The following ZNF521 variants were observed in gnomAD, a reference collection of about 807,000 sequenced individuals.
The protein encoded by ZNF521 is LYST-interacting protein 3.
ZNF521 carries 14 observed loss-of-function variants against 105.5 expected under a neutral mutation model. The observed-to-expected ratio is 0.13, with a 90% CI of 0.09 to 0.21. ZNF521 has a LOEUF of 0.21. ZNF521 is among the 10% of genes least tolerant of loss of function. ZNF521 has a pLI of 1.00. For missense variants in ZNF521, 1,233 were observed against 1,629.7 expected (o/e 0.76, Z 4.19); for synonymous variants, 635 against 606.0 (o/e 1.05, Z -0.70).
At chr18:25,350,618 G>GTTTC (rs1914695787) in intron 2 of ZNF521, among the ~76,000 whole-genome samples, 1 of 150,986 alleles carries the variant, frequency 6.6e-6, no homozygotes, top group Admixed American at 6.6e-5. Context: ...GGATAATTTC[G>GTTTC]TTTCTTTCTC....
intron 4 of ZNF521, chr18:25,202,751 C>T (rs953276946): frequency 2.6e-5 from 4 of 152,158 alleles, no homozygotes; most frequent in African/African-American, 9.7e-5. Context: ...CAGCTTTCCA[C>T]AAATGCTCAA....
Position 25,350,115 on chromosome 18 carries a change from C to T in ZNF521, c.40+792G>A, listed in dbSNP as rs1914661949. On this transcript the variant is annotated intron_variant, in intron 2 of 7. Transcript: ENST00000361524. ...CCATCAGATCGATAACTTCAGGGAC[C>T]CCCGCCCCCGCCGCAGCCAGCTAGT... Among the ~76,000 whole-genome samples, 4 of 152,214 alleles carry T rather than the reference C, an allele frequency of 2.6e-5. No individual in the cohort carries two copies. The South Asian group carries it at 8.3e-4, about 32-fold the overall frequency.
Position 25,089,598 on chromosome 18 carries a change from T to C in ZNF521, c.3791-18A>G, listed in dbSNP as rs200509302. ...AACAAATACTGAAATGATAAAAGAA[T>C]GATGAACTTGGGTTATTTTGTTTCC... On this transcript the variant is annotated intron_variant, in intron 6 of 7. Coordinates refer to ENST00000361524, the MANE Select transcript of ZNF521 (RefSeq NM_015461.3). The C allele has an allele frequency of 6.3e-7, 1 of 1,598,606 alleles. No homozygotes were observed. Among genetic ancestry groups the C allele is most frequent in the Non-Finnish European group, 8.6e-7 (1 of 1,165,924 alleles).
chr18:25,082,663 C>G (rs1158517474), intron 7 of ZNF521: 1 of 414,854 alleles, frequency 2.4e-6, no homozygotes, highest in East Asian at 7.4e-5. Context: ...TGGTGAAACC[C>G]CATCTCTACT....
chr18:25,227,055 T>G lies in ZNF521; in HGVS notation c.863A>C (p.Glu288Ala), dbSNP rs1906200831. 6.2e-7 allele frequency: 1 copy of G among 1,613,988 alleles called. No homozygotes were observed. The highest frequency in any genetic ancestry group is 1.1e-5 in the South Asian group (1 of 91,082). ...GAGGGAGGTCTCCTCTACGAAGAGC[T>G]CGTGGCAGTAGACACACTGGAGGGC... ...RAALQCVYCHELFVEETSLMN... is the reference protein window; with the variant it reads ...RAALQCVYCHALFVEETSLMN... Residue 288 changes from glutamate to alanine, a missense_variant, in exon 4 of 8, where the codon GAG (glutamate) becomes GCG (alanine). Glu to Ala is a moderately radical substitution (Grantham distance 107, BLOSUM62 -1). Around this residue, in one of 6 missense-constraint regions of ZNF521, gnomAD observed 380 missense variants for 478.0 expected, o/e 0.80. Coordinates refer to ENST00000361524, the MANE Select transcript of ZNF521 (RefSeq NM_015461.3). This position sits in a 1 kb window ranked among gnomAD's most constrained non-coding sequence, Gnocchi z 5.7.
intron 3 of ZNF521, among the ~76,000 whole-genome samples, chr18:25,235,657 A>G (rs146494119): frequency 2.0e-3 from 305 of 152,364 alleles, no homozygotes; most frequent in African/African-American, 6.9e-3. Context: ...ACCAGGAATT[A>G]TAACAGTCCT....
intron 3 of ZNF521, among the ~76,000 whole-genome samples, chr18:25,300,565 AGAGT>A (rs1911582041): frequency 6.6e-6 from 1 of 151,186 alleles, no homozygotes; most frequent in African/African-American, 2.5e-5. Context: ...GAAAGATCAT[AGAGT>A]GTCATCAAAG....
intron 4 of ZNF521, among the ~76,000 whole-genome samples, chr18:25,216,802 C>G (rs1235676629): frequency 6.6e-6 from 1 of 152,130 alleles, no homozygotes; most frequent in East Asian, 1.9e-4. Flanking sequence ...ATGATCCTCC[C>G]ACCTCAGCCT....
chr18:25,183,365 A>G (rs1190471427), intron 5 of ZNF521, among the ~76,000 whole-genome samples: 2 of 152,204 alleles, frequency 1.3e-5, no homozygotes, highest in African/African-American at 4.8e-5. Context: ...TCAAGTTAGT[A>G]CTCTATGTAA....
intron 1 of ZNF521, 75 bp downstream of exon 1, chr18:25,351,930 G>A (rs1316705778): frequency 4.0e-6 from 1 of 247,012 alleles, no homozygotes; most frequent in Non-Finnish European, 8.4e-6. Context: ...GCGAGAGCAG[G>A]AGGAGGAGGA....
chr18:25,327,884 CA>C (rs756579633), intron 2 of ZNF521, among the ~76,000 whole-genome samples: 1 of 152,040 alleles, frequency 6.6e-6, no homozygotes, highest in African/African-American at 2.4e-5. Context: ...CACAAACAAA[CA>C]AAAAAAGCAA....
chr18:25,083,661 G>A (rs965251374), intron 7 of ZNF521, among the ~76,000 whole-genome samples: 6 of 152,086 alleles, frequency 3.9e-5, no homozygotes, highest in African/African-American at 1.4e-4. Flanking sequence ...CTAGTAGATT[G>A]TAAATATATG....
rs2033757757 is a variant in ZNF521 at position 25,092,010 on chromosome 18, G to C, written c.3730C>G (p.Leu1244Val). 1 of 1,613,940 alleles carries C rather than the reference G, an allele frequency of 6.2e-7. No individual in the cohort carries two copies. The highest frequency in any genetic ancestry group is 8.5e-7 in the Non-Finnish European group (1 of 1,179,940). ...ATCCCTTCGAAGCTGTGCTCTATCA[G>C]GTGGCACTGGAGTTTGGCAGGAGAG... ...FDSPAKLQCHLIEHSFEGMGG... is the reference protein window; with the variant it reads ...FDSPAKLQCHVIEHSFEGMGG... The change falls in exon 6 of 8, where the codon CTG becomes GTG. Residue 1244 changes from leucine to valine, a missense_variant. This residue lies in a region of ZNF521 where 76 missense variants were observed against 137.2 expected (regional missense o/e 0.55). Coordinates refer to ENST00000361524, the MANE Select transcript of ZNF521 (RefSeq NM_015461.3).
At chr18:25,215,054 A>G (rs529964158) in intron 4 of ZNF521, among the ~76,000 whole-genome samples, 1 of 152,274 alleles carries the variant, frequency 6.6e-6, no homozygotes, top group Non-Finnish European at 1.5e-5. Context: ...GGTAATGTGA[A>G]AAGGGAAGCT....
At chr18:25,275,085 A>C (rs533336509) in intron 3 of ZNF521, among the ~76,000 whole-genome samples, 1 of 152,322 alleles carries the variant, frequency 6.6e-6, no homozygotes, top group Admixed American at 6.5e-5. Context: ...ATTGCCAAAA[A>C]AACTTGCTAT....
At chr18:25,209,208 T>G (rs2036134579) in intron 4 of ZNF521, among the ~76,000 whole-genome samples, 2 of 152,052 alleles carry the variant, frequency 1.3e-5, no homozygotes, top group Non-Finnish European at 2.9e-5. Context: ...CTTGGCTCAC[T>G]GCAACCTCCA....
intron 3 of ZNF521, among the ~76,000 whole-genome samples, chr18:25,290,833 C>T (rs764757792): frequency 4.0e-5 from 6 of 151,860 alleles, no homozygotes; most frequent in African/African-American, 4.8e-5. Flanking sequence ...GGATTTCAGG[C>T]GTGAGCCACT....
chr18:25,198,432 C>T (rs1016951838), intron 4 of ZNF521, among the ~76,000 whole-genome samples: 28 of 151,610 alleles, frequency 1.8e-4, no homozygotes, highest in Admixed American at 7.2e-4. Context: ...TAACCCTATT[C>T]CCCTCCATTC....
intron 2 of ZNF521, among the ~76,000 whole-genome samples, chr18:25,325,384 A>G (rs1913159988): frequency 6.6e-6 from 1 of 152,136 alleles, no homozygotes; most frequent in Non-Finnish European, 1.5e-5. Context: ...AATCATAAAA[A>G]ATAATTGTAT....
Sources: allele counts gnomAD v4.1 joint callset (sites outside exome capture counted in the v4.1 genomes callset), GRCh38; gene constraint gnomAD v4.1.1; regional missense constraint gnomAD v4.1.1; non-coding constraint Gnocchi (gnomAD v3.1); transcripts MANE v1.5; gene names NCBI Gene and HGNC (gene_info 2026-07-23, HGNC 2026-07-21).